Variants in WDR26 observed in about 807,000 individuals in gnomAD.
The protein encoded by WDR26 is WD repeat domain 26.
In WDR26, 5 loss-of-function variants were observed where a neutral mutation model predicts 84.1. The observed-to-expected ratio is 0.06, with a 90% CI of 0.03 to 0.13. The LOEUF is 0.13. Ranked by LOEUF, WDR26 falls within the 10% of genes least tolerant of loss-of-function variation. The pLI is 1.00. For synonymous variants in WDR26, 415 were observed against 389.6 expected, an observed-to-expected ratio of 1.07 and a Z score of -0.77; for missense variants, 642 against 974.9, an observed-to-expected ratio of 0.66 and a Z score of 4.55.
At chr1:224,421,605 C>T (rs967566912) in intron 4 of WDR26, among the ~76,000 whole-genome samples, 1 of 151,950 alleles carries the variant, frequency 6.6e-6, no homozygotes. Context: ...AAAAGGTAAT[C>T]GGAACAAGAA....
rs929510238 is a variant in WDR26 at position 224,434,580 on chromosome 1, C to CA, written c.-176_-175insT. ...GAGGATCCGGGCCCTTTCCCCCCCC[C>CA]CTCCCGGAGGCAGCTCGGGGTGCGC... On this transcript the variant is annotated 5_prime_UTR_variant, in exon 1 of 14. Coordinates refer to ENST00000414423, the MANE Select transcript of WDR26 (RefSeq NM_001379403.1). The CA allele has an allele frequency of 2.1e-6, 1 of 481,034 alleles. No individual in the cohort carries two copies. The highest frequency in any genetic ancestry group is 8.8e-5 in the South Asian group (1 of 11,358). 29.8% of individuals were successfully genotyped at this position (481,034 alleles called of 1,614,324 possible). A position where few individuals can be genotyped will look rare whatever the true frequency, so the allele number is the denominator to read the frequency against.
rs1266985986 is a variant in WDR26, at chr1:224,429,260, C to CA, written c.927+2216dup. The CA allele has an allele frequency of 8.2e-3, 808 of 98,944 alleles. 1 individual carries two copies. The highest frequency in any genetic ancestry group is 0.014 in the African/African-American group (351 of 25,996). The allele number at this position is 98,944 out of a possible 1,614,324, so 6.1% of individuals were successfully genotyped here. A position where few individuals can be genotyped will look rare whatever the true frequency, so the allele number is the denominator to read the frequency against. The stretch of plus-strand genomic sequence containing the variant: ...TGGGCGACAGAGCGAGACTCCATCT[C>CA]AAAAAAAAAAAAACAAAACAAACAA... On this transcript the variant is annotated intron_variant, in intron 3 of 13. Coordinates refer to ENST00000414423, the MANE Select transcript of WDR26 (RefSeq NM_001379403.1).
intron 9 of WDR26, among the ~76,000 whole-genome samples, chr1:224,399,616 T>C (rs553069543): frequency 8.5e-5 from 13 of 152,340 alleles, no homozygotes; most frequent in African/African-American, 2.9e-4. Flanking sequence ...TGTATCTTGA[T>C]GGCTTAACAC....
chr1:224,434,679 G>C lies in WDR26; in HGVS notation c.-274C>G, dbSNP rs1296038815. On this transcript the variant is annotated 5_prime_UTR_variant, in exon 1 of 14. Coordinates refer to ENST00000414423, the MANE Select transcript of WDR26 (RefSeq NM_001379403.1). Reference sequence around the variant, plus strand: ...GGGGCCCGCCGCTGGGCTGAGCCCCGGCAGTGGCTGCGGCGGCGGCGGCGG... The same window carrying C: ...GGGGCCCGCCGCTGGGCTGAGCCCCCGCAGTGGCTGCGGCGGCGGCGGCGG... The C allele has an allele frequency of 6.9e-6, 6 of 875,156 alleles. No individual in the cohort carries two copies. The highest frequency in any genetic ancestry group is 8.2e-6 in the Non-Finnish European group (6 of 731,784). The allele number at this position is 875,156 out of a possible 1,614,324, so 54.2% of individuals were successfully genotyped here.
chr1:224,401,112 C>T, intron 8 of WDR26, 43 bp from the exon 9 acceptor site: 2 of 1,569,126 alleles, frequency 1.3e-6, no homozygotes, highest in Non-Finnish European at 1.7e-6. Flanking sequence ...CAAGATACCC[C>T]TCTAAAGGAA....
At chr1:224,412,310 G>C (rs763414506) in intron 6 of WDR26, among the ~76,000 whole-genome samples, 35 of 152,168 alleles carry the variant, frequency 2.3e-4, no homozygotes, top group Non-Finnish European at 4.4e-5. Context: ...CTTAAGAATG[G>C]GAGCAGTAGT....
rs201522386 is a variant in WDR26, at chr1:224,430,268, ATTATT to A, written c.927+1204_927+1208del. ...TTTTATTTTTCAATTTTACTACAGA[ATTATT>A]TTATAAGTTAACTTATTACCAATCA... On this transcript the variant is annotated intron_variant, in intron 3 of 13. Transcript: ENST00000414423. 95 of 152,298 alleles carry A rather than the reference ATTATT, an allele frequency of 6.2e-4. No homozygotes were observed. The East Asian group carries it at 0.015, about 25-fold the overall frequency. The allele number at this position is 152,298 out of a possible 1,614,324, so 9.4% of individuals were successfully genotyped here. A position where few individuals can be genotyped will look rare whatever the true frequency, so the allele number is the denominator to read the frequency against.
chr1:224,399,543 T>C (rs926957812), intron 9 of WDR26, among the ~76,000 whole-genome samples: 4 of 152,212 alleles, frequency 2.6e-5, no homozygotes, highest in African/African-American at 9.6e-5. Flanking sequence ...ATAGTCATTA[T>C]CTCATTGAAT....
intron 3 of WDR26, chr1:224,430,516 A>C (rs1674361912): frequency 6.6e-6 from 1 of 152,176 alleles, no homozygotes; most frequent in African/African-American, 2.4e-5. Flanking sequence ...AGAAAAAAAC[A>C]CAAGGCCTTA....
Position 224,433,943 on chromosome 1 carries a change from G to A in WDR26, c.463C>T (p.His155Tyr), listed in dbSNP as rs986000917. 3.3e-6 allele frequency: 5 copies of A among 1,534,392 alleles called. No homozygotes were observed. The highest frequency in any genetic ancestry group is 4.4e-6 in the Non-Finnish European group (5 of 1,145,168). Reference sequence around the variant, plus strand: ...GCGGAAGGCAGGAGCCCATTGGCGTGGGCCAGGTCCCCCGCGGACGACGAC... The same window carrying A: ...GCGGAAGGCAGGAGCCCATTGGCGTAGGCCAGGTCCCCCGCGGACGACGAC... Residue 155 changes from histidine (H) to tyrosine (Y), a missense_variant, in exon 1 of 14, where the codon CAC becomes TAC. Around this residue, in one of 2 missense-constraint regions of WDR26, gnomAD observed 291 missense variants for 302.1 expected, o/e 0.96. Coordinates refer to ENST00000414423, the MANE Select transcript of WDR26 (RefSeq NM_001379403.1).
chr1:224,434,685 GGCT>G lies in WDR26; in HGVS notation c.-283_-281del. The G allele has an allele frequency of 1.1e-6, 1 of 904,932 alleles. No individual in the cohort carries two copies. Among genetic ancestry groups the G allele is most frequent in the Non-Finnish European group, 1.3e-6 (1 of 758,210 alleles). 56.1% of individuals were successfully genotyped at this position (904,932 alleles called of 1,614,324 possible). ...CGCCGCTGGGCTGAGCCCCGGCAGTGGCTGCGGCGGCGGCGGCGGCGGGCGGCA... is the reference window on the plus strand; with the variant it reads ...CGCCGCTGGGCTGAGCCCCGGCAGTGGCGGCGGCGGCGGCGGCGGGCGGCA... On this transcript the variant is annotated 5_prime_UTR_variant, in exon 1 of 14. Coordinates refer to ENST00000414423, the MANE Select transcript of WDR26 (RefSeq NM_001379403.1).
chr1:224,409,782 G>A (rs191021409), intron 7 of WDR26, among the ~76,000 whole-genome samples: 3 of 151,826 alleles, frequency 2.0e-5, no homozygotes, highest in Admixed American at 6.6e-5. Context: ...AGAATCTCTT[G>A]AACCTGGGAG....
rs779723715 is a variant in WDR26 at position 224,401,096 on chromosome 1, G to C, written c.1600-27C>G. On this transcript the variant is annotated intron_variant, in intron 8 of 13. Transcript: ENST00000414423. Reference sequence around the variant, plus strand: ...TATAAGGAAATAAAACTGTAAATGAGACCTTCAAGATACCCCTCTAAAGGA... The same window carrying C: ...TATAAGGAAATAAAACTGTAAATGACACCTTCAAGATACCCCTCTAAAGGA... The C allele has an allele frequency of 1.9e-6, 3 of 1,600,220 alleles. No individual in the cohort carries two copies. In the Admixed American group the frequency reaches 5.3e-5, roughly 28 times the overall value.
intron 6 of WDR26, among the ~76,000 whole-genome samples, chr1:224,413,509 G>C (rs558230838): frequency 7.2e-5 from 11 of 152,088 alleles, no homozygotes; most frequent in African/African-American, 2.4e-4. Flanking sequence ...ATCAATACTA[G>C]CTGACATTTA....
Position 224,387,731 on chromosome 1 carries a change from T to C in WDR26, c.*2104A>G, listed in dbSNP as rs1032080551. 5.2e-5 allele frequency: 8 copies of C among 152,572 alleles called. No homozygotes were observed. Among genetic ancestry groups the C allele is most frequent in the Non-Finnish European group, 8.8e-5 (6 of 68,016 alleles). The allele number at this position is 152,572 out of a possible 1,614,324, so 9.5% of individuals were successfully genotyped here. Reference sequence around the variant, plus strand: ...GAGTTTCTATGCCCACATTTAGTGATGTTACCATAGAGACTGGGGTGTATT... The same window carrying C: ...GAGTTTCTATGCCCACATTTAGTGACGTTACCATAGAGACTGGGGTGTATT... On this transcript the variant is annotated 3_prime_UTR_variant, in exon 14 of 14. Transcript: ENST00000414423.
rs1332019893 is a variant in WDR26 at position 224,433,847 on chromosome 1, C to A, written c.559G>T (p.Ala187Ser). The A allele has an allele frequency of 5.9e-6, 9 of 1,536,672 alleles. No homozygotes were observed. Among genetic ancestry groups the A allele is most frequent in the Non-Finnish European group, 7.8e-6 (9 of 1,146,796 alleles). Residue 187 changes from alanine (A) to serine (S), a missense_variant, in exon 1 of 14, where the codon GCA (alanine) becomes TCA (serine). Physicochemically the swap from Ala to Ser is moderately conservative, Grantham distance 99. Transcript: ENST00000414423. ...GCAGCTGCGACGGTGGCTGAGGATG[C>A]GGCGGCCGCCCCGCCGGGAACCCCG...
chr1:224,423,476 T>A (rs943050818), intron 4 of WDR26, among the ~76,000 whole-genome samples: 1 of 152,250 alleles, frequency 6.6e-6, no homozygotes, highest in Non-Finnish European at 1.5e-5. Context: ...CTGGGTGCAG[T>A]GGCTCATGCC....
intron 7 of WDR26, among the ~76,000 whole-genome samples, chr1:224,408,512 T>C (rs1332000542): frequency 6.6e-6 from 1 of 152,168 alleles, no homozygotes; most frequent in Non-Finnish European, 1.5e-5. Context: ...CTTTTTCATA[T>C]ATCATGCAAA....
chr1:224,429,537 A>G (rs2102924353), intron 3 of WDR26: 1 of 152,350 alleles, frequency 6.6e-6, no homozygotes, highest in South Asian at 2.1e-4. Context: ...TTTAAACACA[A>G]TTAGAGAGGT....
Sources: gnomAD v4.1 joint callset for allele counts (sites outside exome capture counted in the v4.1 genomes callset) on GRCh38, gnomAD v4.1.1 for gene constraint, gnomAD v4.1.1 regional missense constraint, MANE v1.5 for transcripts, NCBI Gene and HGNC (gene_info 2026-07-23, HGNC 2026-07-21) for gene names.